PKN2: variants seen among roughly 807,000 people sequenced by gnomAD.
The protein encoded by PKN2 is serine/threonine-protein kinase N2.
Under a neutral mutation model 119.1 loss-of-function variants are expected in PKN2, and 38 were observed. The observed-to-expected ratio is 0.32, with a 90% CI of 0.25 to 0.42. PKN2 has a LOEUF of 0.42. PKN2 is among the 10% of genes least tolerant of loss of function. The pLI is 1.00. For missense variants in PKN2, 850 were observed against 1,165.1 expected (o/e 0.73, Z 3.94); for synonymous variants, 390 against 384.9 (o/e 1.01, Z -0.15).
At chr1:88,710,944 C>T (rs1667204678) in intron 1 of PKN2, among the ~76,000 whole-genome samples, 1 of 152,132 alleles carries the variant, frequency 6.6e-6, no homozygotes, top group Non-Finnish European at 1.5e-5. Context: ...GTGGTACATA[C>T]ACATCATGGA....
chr1:88,809,783 A>G (rs1671705869), intron 15 of PKN2, among the ~76,000 whole-genome samples: 1 of 152,026 alleles, frequency 6.6e-6, no homozygotes, highest in Non-Finnish European at 1.5e-5. Context: ...ATCCATCTAC[A>G]TTTCTTTCCC....
intron 2 of PKN2, among the ~76,000 whole-genome samples, chr1:88,758,792 G>A (rs1570587503): frequency 2.0e-5 from 3 of 152,082 alleles, no homozygotes; most frequent in African/African-American, 7.2e-5. Context: ...TGTCATTGCT[G>A]GGCATTTAGG....
intron 1 of PKN2, among the ~76,000 whole-genome samples, chr1:88,735,614 C>CCCCCCG (rs1668315454): frequency 1.3e-5 from 1 of 76,990 alleles, no homozygotes; most frequent in Non-Finnish European, 2.7e-5. Flanking sequence ...CCCCCCCCCC[C>CCCCCCG]CCACCCCCAA....
chr1:88,826,579 C>G (rs1241186550), intron 18 of PKN2, among the ~76,000 whole-genome samples: 4 of 152,086 alleles, frequency 2.6e-5, no homozygotes, highest in Admixed American at 6.6e-5. Context: ...CATCCACCCC[C>G]CTTCCACCTC....
intron 1 of PKN2, among the ~76,000 whole-genome samples, chr1:88,734,402 A>C (rs143209916): frequency 4.1e-4 from 63 of 152,236 alleles, no homozygotes; most frequent in African/African-American, 1.5e-3. Context: ...AGAGATAAGA[A>C]TCTAATTTCA....
chr1:88,713,386 CCCA>C (rs1667319500), intron 1 of PKN2, among the ~76,000 whole-genome samples: 1 of 152,194 alleles, frequency 6.6e-6, no homozygotes, highest in Non-Finnish European at 1.5e-5. Flanking sequence ...AGTTTACACT[CCCA>C]CCAACAGTGT....
intron 1 of PKN2, among the ~76,000 whole-genome samples, chr1:88,704,491 C>A (rs1345062512): frequency 6.6e-6 from 1 of 152,050 alleles, no homozygotes; most frequent in Non-Finnish European, 1.5e-5. Context: ...TTTCATTATT[C>A]TTGTGTAAAT....
chr1:88,829,391 T>G lies in PKN2; in HGVS notation c.2562+768T>G. 5 of 370,176 alleles carry G rather than the reference T, an allele frequency of 1.4e-5. No homozygotes were observed. The South Asian group carries it at 2.0e-4, about 14-fold the overall frequency. 22.9% of individuals were successfully genotyped at this position (370,176 alleles called of 1,614,324 possible). ...GCACCTGAAGTTGCTATAGAACTGC[T>G]GATGGCTGTGAACTTCCTAGATTGT... On this transcript the variant is annotated intron_variant, in intron 19 of 21. Coordinates refer to ENST00000370521, the MANE Select transcript of PKN2 (RefSeq NM_006256.4).
At chr1:88,735,028 T>A (rs1570551873) in intron 1 of PKN2, among the ~76,000 whole-genome samples, 1 of 152,380 alleles carries the variant, frequency 6.6e-6, no homozygotes, top group Admixed American at 6.5e-5. Context: ...AAGTGCTTTA[T>A]GTATCACATT....
intron 1 of PKN2, among the ~76,000 whole-genome samples, chr1:88,708,617 CTT>C (rs769170898): frequency 1.8e-3 from 213 of 118,404 alleles, no homozygotes; most frequent in African/African-American, 4.0e-3. Context: ...ACACATAAAA[CTT>C]TTTTTTTTTT....
chr1:88,688,960 G>A (rs760317777), intron 1 of PKN2, among the ~76,000 whole-genome samples: 1 of 152,140 alleles, frequency 6.6e-6, no homozygotes, highest in African/African-American at 2.4e-5. Flanking sequence ...CTCTTTAAAA[G>A]TACAAAAGGG....
chr1:88,805,735 T>A (rs748797438), intron 11 of PKN2, 64 bp downstream of exon 11: 2 of 1,601,080 alleles, frequency 1.2e-6, no homozygotes, highest in Non-Finnish European at 1.7e-6. Flanking sequence ...ACGTACTGAT[T>A]ATAGCAGGTG....
chr1:88,807,709 C>T lies in PKN2; in HGVS notation c.2036C>T (p.Thr679Ile). The T allele has an allele frequency of 2.5e-6, 4 of 1,600,564 alleles. No homozygotes were observed. The highest frequency in any genetic ancestry group is 3.4e-6 in the Non-Finnish European group (4 of 1,171,556). ...GKVLLAEYKNTNEMFAIKALK... is the reference protein window; with the variant it reads ...GKVLLAEYKNINEMFAIKALK... ...GTGCTTTTAGCTGAATATAAAAACA[C>T]AAATGAGATGTTTGCTATAAAAGCC... The change falls in exon 15 of 22, where the codon ACA (threonine) becomes ATA (isoleucine). Residue 679 changes from threonine (T) to isoleucine (I), a missense_variant. By Grantham distance (89) the Thr-to-Ile change is moderately conservative. Around this residue, in one of 9 missense-constraint regions of PKN2, gnomAD observed 216 missense variants for 252.8 expected, o/e 0.85. Transcript: ENST00000370521.
intron 3 of PKN2, among the ~76,000 whole-genome samples, chr1:88,769,005 C>T (rs1057318804): frequency 2.6e-5 from 4 of 152,098 alleles, no homozygotes; most frequent in African/African-American, 4.8e-5. Context: ...CAACAACCAG[C>T]GTGAACTCAT....
intron 1 of PKN2, among the ~76,000 whole-genome samples, chr1:88,696,327 T>C (rs943630226): frequency 6.6e-6 from 1 of 152,190 alleles, no homozygotes; most frequent in Non-Finnish European, 1.5e-5. Context: ...TGAAAAGCTA[T>C]GGGGTTGTAT....
chr1:88,802,846 C>A (rs1019108833), intron 8 of PKN2, among the ~76,000 whole-genome samples: 2 of 152,182 alleles, frequency 1.3e-5, no homozygotes, highest in Non-Finnish European at 2.9e-5. Flanking sequence ...GTGCATCTTG[C>A]ATCTTCCTGA....
At chr1:88,724,208 G>A (rs745420221) in intron 1 of PKN2, among the ~76,000 whole-genome samples, 1 of 152,148 alleles carries the variant, frequency 6.6e-6, no homozygotes, top group Non-Finnish European at 1.5e-5. Flanking sequence ...TTAGGACAAG[G>A]CCAGAACCCA....
At chr1:88,746,276 A>C (rs1475656814) in intron 2 of PKN2, among the ~76,000 whole-genome samples, 1 of 152,160 alleles carries the variant, frequency 6.6e-6, no homozygotes, top group African/African-American at 2.4e-5. Flanking sequence ...ATGGGTTTGC[A>C]TCAAATTGGA....
chr1:88,787,462 A>C (rs1670627371), intron 8 of PKN2, among the ~76,000 whole-genome samples: 1 of 152,186 alleles, frequency 6.6e-6, no homozygotes, highest in Non-Finnish European at 1.5e-5. Flanking sequence ...GGTTAGTTAC[A>C]TACCAGTAAA....
Sources: allele counts gnomAD v4.1 joint callset (sites outside exome capture counted in the v4.1 genomes callset), GRCh38; gene constraint gnomAD v4.1.1; regional missense constraint gnomAD v4.1.1; transcripts MANE v1.5; gene names NCBI Gene and HGNC (gene_info 2026-07-23, HGNC 2026-07-21).